The following BBS2 variants were observed in gnomAD, a reference collection of about 807,000 sequenced individuals.
BBS2 encodes the protein BBSome complex member BBS2.
A neutral mutation model predicts 83.0 loss-of-function variants in BBS2; 62 were observed. That is an observed-to-expected ratio of 0.75 (90% CI 0.61 to 0.92). BBS2 has a LOEUF of 0.92. Among genes scored for constraint, BBS2 ranks in the 40% least tolerant of loss-of-function variants. The pLI, the probability that BBS2 is intolerant of heterozygous loss-of-function variation, is 0.00. For synonymous variants in BBS2, 303 were observed against 326.1 expected (o/e 0.93, Z 0.76); for missense variants, 784 against 901.0 (o/e 0.87, Z 1.66).
chr16:56,479,672 G>A (rs1050793932), downstream of BBS2, among the ~76,000 whole-genome samples: 5 of 152,298 alleles, frequency 3.3e-5, no homozygotes, highest in East Asian at 7.7e-4. Context: ...AGGTTAGGAT[G>A]AGCCACAAAT....
rs554129762 is a variant in BBS2, at chr16:56,509,121, C to G, written c.612+836G>C. Among the ~76,000 whole-genome samples the G allele has an allele frequency of 8.5e-5, 13 of 152,290 alleles. No individual in the cohort carries two copies. The East Asian group carries it at 2.5e-3, about 29-fold the overall frequency. Reference sequence around the variant, plus strand: ...AGACATCTCATTTATGCACTTCAGCCCTACTGAATACACATGATGAGGAGG... The same window carrying G: ...AGACATCTCATTTATGCACTTCAGCGCTACTGAATACACATGATGAGGAGG... On this transcript the variant is annotated intron_variant, in intron 5 of 16. Transcript: ENST00000245157.
chr16:56,517,805 T>G (rs559982725), intron 1 of BBS2, among the ~76,000 whole-genome samples: 2 of 152,028 alleles, frequency 1.3e-5, no homozygotes, highest in East Asian at 3.9e-4. Flanking sequence ...GAAGTTCTTT[T>G]TGGCATTTGT....
chr16:56,483,114 A>G (rs1346057760), downstream of BBS2, among the ~76,000 whole-genome samples: 3 of 152,220 alleles, frequency 2.0e-5, no homozygotes, highest in Non-Finnish European at 4.4e-5. Context: ...TAGGCTATAC[A>G]GTATAGCCTG....
chr16:56,476,368 G>C (rs1243365774), intron 17 of BBS2: 1 of 506,488 alleles, frequency 2.0e-6, no homozygotes, highest in Non-Finnish European at 3.3e-6. Flanking sequence ...CCTCAACCGA[G>C]ACCTTGAGCT....
At chr16:56,512,995 A>G (rs1030412979) in intron 2 of BBS2, among the ~76,000 whole-genome samples, 4 of 152,160 alleles carry the variant, frequency 2.6e-5, no homozygotes, top group Non-Finnish European at 4.4e-5. Context: ...TCTCTAAAAA[A>G]TAAACAATTA....
rs11861138 is a variant in BBS2 at position 56,476,061 on chromosome 16, A to G, written c.*1-5366T>C. On this transcript the variant is annotated intron_variant, in intron 17 of 17. Coordinates refer to the BBS2 transcript ENST00000682047. ...TTTTTCAGCTGCTAACAGTGAATCC[A>G]GAAAGCAATTCTTTGGCATTGGTCT... 1,093 of 1,612,374 alleles carry G rather than the reference A, an allele frequency of 6.8e-4. 4 individuals are homozygous for G. The African/African-American group carries it at 0.011, about 16-fold the overall frequency.
At chr16:56,477,768 T>G (rs1415749195) in intron 17 of BBS2, 2 of 152,210 alleles carry the variant, frequency 1.3e-5, no homozygotes, top group African/African-American at 2.4e-5. Context: ...GCAGTAGTGT[T>G]TAGTGTGGGT....
chr16:56,491,139 A>AT (rs1963940062), intron 15 of BBS2, among the ~76,000 whole-genome samples: 1 of 152,072 alleles, frequency 6.6e-6, no homozygotes, highest in African/African-American at 2.4e-5. Flanking sequence ...TTTGCAACTC[A>AT]TATCACACGT....
intron 5 of BBS2, among the ~76,000 whole-genome samples, chr16:56,508,823 A>AT (rs1296250327): frequency 2.0e-5 from 3 of 151,638 alleles, no homozygotes; most frequent in Non-Finnish European, 1.5e-5. Context: ...ATTTTTTAAT[A>AT]TTTTTTGTAG....
At position 56,497,782 on chromosome 16, in the gene BBS2, A is replaced by G; in HGVS notation, c.1758T>C (p.Phe586=). The change falls in exon 14 of 17, where the codon TTT becomes TTC. Residue 586 remains phenylalanine (F), a synonymous_variant. Coordinates refer to ENST00000245157, the MANE Select transcript of BBS2 (RefSeq NM_031885.5). ...AIEDLQVEAD[F]PVYFEELRKV... is the part of the protein sequence containing the mutation. ...TTCGTAATTCCTCAAAATAGACAGGAAAATCCGCTTCTACTTGAAGGTCTT... is the reference window on the plus strand; with the variant it reads ...TTCGTAATTCCTCAAAATAGACAGGGAAATCCGCTTCTACTTGAAGGTCTT... 6.2e-7 allele frequency: 1 copy of G among 1,613,580 alleles called. No individual in the cohort carries two copies. Among genetic ancestry groups the G allele is most frequent in the Non-Finnish European group, 8.5e-7 (1 of 1,179,926 alleles).
intron 15 of BBS2, among the ~76,000 whole-genome samples, chr16:56,489,771 G>A (rs755514504): frequency 2.6e-5 from 4 of 151,254 alleles, no homozygotes; most frequent in Non-Finnish European, 5.9e-5. Flanking sequence ...TTGCACTCCA[G>A]CTTGGGCAAC....
At chr16:56,514,890 G>GT (rs1192855561) in intron 1 of BBS2, among the ~76,000 whole-genome samples, 1 of 152,136 alleles carries the variant, frequency 6.6e-6, no homozygotes, top group African/African-American at 2.4e-5. Flanking sequence ...TCTTAGCCTT[G>GT]TAAGGAACAA....
chr16:56,518,907 G>A (rs77113702), intron 1 of BBS2, among the ~76,000 whole-genome samples: 6,000 of 152,126 alleles, frequency 0.039, 148 homozygotes, highest in East Asian at 0.13. Context: ...CCCAGTAATC[G>A]CACATAGTAA....
In BBS2 at chr16:56,475,542, A is replaced by T. The variant is rs1174686415; in HGVS notation, c.*1-4847T>A. ...AGAATATGGCGGTTTTACTTCTTAC[A>T]TTGCCAAAGGTGAAGATGAAGAGGT... is the stretch of plus-strand genomic sequence containing the variant. On this transcript the variant is annotated intron_variant, in intron 17 of 17. Transcript: ENST00000682047. The T allele has an allele frequency of 2.5e-6, 4 of 1,613,910 alleles. No homozygotes were observed. Among genetic ancestry groups the T allele is most frequent in the Non-Finnish European group, 3.4e-6 (4 of 1,179,946 alleles).
At chr16:56,515,583 T>C (rs1964714527) in intron 1 of BBS2, among the ~76,000 whole-genome samples, 1 of 152,188 alleles carries the variant, frequency 6.6e-6, no homozygotes, top group Non-Finnish European at 1.5e-5. Context: ...TCTAGCCCCT[T>C]CTAGTTCTAA....
intron 4 of BBS2, among the ~76,000 whole-genome samples, chr16:56,510,580 C>T (rs748518885): frequency 3.3e-5 from 5 of 152,116 alleles, no homozygotes; most frequent in African/African-American, 9.7e-5. Context: ...TTCATAAGAC[C>T]GTGAATATGA....
At chr16:56,474,472 T>C (rs1272928441) in intron 17 of BBS2, among the ~76,000 whole-genome samples, 2 of 151,870 alleles carry the variant, frequency 1.3e-5, no homozygotes, top group East Asian at 3.9e-4. Context: ...AGGCATGCAC[T>C]ACCACGCCTG....
intron 1 of BBS2, among the ~76,000 whole-genome samples, chr16:56,518,807 G>A (rs774718886): frequency 9.9e-5 from 10 of 101,006 alleles, no homozygotes; most frequent in East Asian, 4.3e-4. Flanking sequence ...TTTTACATCC[G>A]AGTCTCCAAA....
intron 7 of BBS2, among the ~76,000 whole-genome samples, chr16:56,503,031 T>C (rs1964321690): frequency 6.6e-6 from 1 of 152,132 alleles, no homozygotes; most frequent in African/African-American, 2.4e-5. Flanking sequence ...TAAAAGCTGT[T>C]TTTCATAGGC....
Sources: gnomAD v4.1 joint callset for allele counts (sites outside exome capture counted in the v4.1 genomes callset) on GRCh38, gnomAD v4.1.1 for gene constraint, MANE v1.5 for transcripts, NCBI Gene and HGNC (gene_info 2026-07-23, HGNC 2026-07-21) for gene names.